SAMD5: variants seen among roughly 807,000 people sequenced by gnomAD.
The protein encoded by SAMD5 is sterile alpha motif domain-containing protein 5.
A neutral mutation model predicts 11.3 loss-of-function variants in SAMD5; 13 were observed. That is an observed-to-expected ratio of 1.15 (90% CI 0.75 to 1.83). The LOEUF (loss-of-function observed/expected upper bound fraction) is 1.83, where lower values mean the gene tolerates loss of function less well. Among genes scored for constraint, SAMD5 ranks in the 40% most tolerant of loss-of-function variants. The pLI is 0.00. For synonymous variants in SAMD5, 129 were observed against 111.3 expected (o/e 1.16, Z -1.00); for missense variants, 255 against 239.1 (o/e 1.07, Z -0.44).
At chr6:147,731,784 C>T (rs146539783) in intron 1 of SAMD5, among the ~76,000 whole-genome samples, 2 of 143,306 alleles carry the variant, frequency 1.4e-5, no homozygotes, top group African/African-American at 5.1e-5. Flanking sequence ...AAGCAACCAA[C>T]AGAATTTAGA....
intron 1 of SAMD5, among the ~76,000 whole-genome samples, chr6:147,714,573 A>G (rs1190541969): frequency 6.6e-6 from 1 of 152,234 alleles, no homozygotes; most frequent in African/African-American, 2.4e-5. Flanking sequence ...CTAAATGGTT[A>G]GGAAAAGATA....
intron 1 of SAMD5, among the ~76,000 whole-genome samples, chr6:147,598,016 G>A (rs1369109150): frequency 6.6e-6 from 1 of 152,070 alleles, no homozygotes; most frequent in Non-Finnish European, 1.5e-5. Context: ...GATCATGCAG[G>A]CCCTCCAGGC....
At chr6:147,530,203 G>C (rs1320416229) in intron 1 of SAMD5, among the ~76,000 whole-genome samples, 1 of 152,216 alleles carries the variant, frequency 6.6e-6, no homozygotes, top group Non-Finnish European at 1.5e-5. Flanking sequence ...TTTCTGTGCA[G>C]TAATAATTAA....
chr6:147,797,935 G>A, the SAMD5 span, among the ~76,000 whole-genome samples: 1 of 150,828 alleles, frequency 6.6e-6, no homozygotes, highest in Admixed American at 6.6e-5. Context: ...ATTTTTTATT[G>A]TGTCTATTTG....
At chr6:147,873,240 G>A in the SAMD5 span, among the ~76,000 whole-genome samples, 2 of 152,034 alleles carry the variant, frequency 1.3e-5, no homozygotes, top group African/African-American at 4.8e-5. Flanking sequence ...AGCTGGGCGT[G>A]GTGGTGCACG....
the SAMD5 span, among the ~76,000 whole-genome samples, chr6:147,918,121 T>A: frequency 6.6e-6 from 1 of 152,222 alleles, no homozygotes; most frequent in South Asian, 2.1e-4. Flanking sequence ...TTGATGGGGA[T>A]GGCATTGAAT....
At chr6:147,837,707 G>A in the SAMD5 span, among the ~76,000 whole-genome samples, 1 of 152,196 alleles carries the variant, frequency 6.6e-6, no homozygotes, top group African/African-American at 2.4e-5. Context: ...ATACCATGGA[G>A]TGTCAGTCTC....
At chr6:147,911,589 C>G in the SAMD5 span, among the ~76,000 whole-genome samples, 6 of 152,320 alleles carry the variant, frequency 3.9e-5, no homozygotes, top group East Asian at 1.2e-3. Context: ...CCAATAGTGT[C>G]TTTCTTAGAA....
chr6:147,800,756 A>T, the SAMD5 span, among the ~76,000 whole-genome samples: 2 of 151,506 alleles, frequency 1.3e-5, no homozygotes, highest in Admixed American at 6.6e-5. Flanking sequence ...TAATAATAAT[A>T]GTTTTCATGA....
At chr6:147,661,742 G>T (rs926997819) in intron 1 of SAMD5, among the ~76,000 whole-genome samples, 1 of 152,144 alleles carries the variant, frequency 6.6e-6, no homozygotes, top group Admixed American at 6.6e-5. Flanking sequence ...CGATTCTCCT[G>T]CCTCAGCCTC....
chr6:147,617,624 A>G (rs996159687), intron 1 of SAMD5, among the ~76,000 whole-genome samples: 1 of 152,246 alleles, frequency 6.6e-6, no homozygotes, highest in Non-Finnish European at 1.5e-5. Context: ...GATGCCGGAA[A>G]CAAATGCTGG....
At chr6:147,764,640 A>T in the SAMD5 span, among the ~76,000 whole-genome samples, 18 of 152,204 alleles carry the variant, frequency 1.2e-4, 1 homozygote, top group Admixed American at 6.5e-5. Flanking sequence ...TGCCAAAGAG[A>T]TGACCTAAAT....
intron 1 of SAMD5, among the ~76,000 whole-genome samples, chr6:147,646,006 CTGTCTATG>C (rs879280028): frequency 1.6e-5 from 2 of 125,566 alleles, no homozygotes; most frequent in East Asian, 2.1e-4. Context: ...ATCTGTCTGT[CTGTCTATG>C]TATCTATCTA....
chr6:147,819,662 G>C, the SAMD5 span, among the ~76,000 whole-genome samples: 1 of 152,186 alleles, frequency 6.6e-6, no homozygotes. Context: ...TCCAGTCCCA[G>C]CTTTCCCCAC....
the SAMD5 span, among the ~76,000 whole-genome samples, chr6:147,872,988 A>C: frequency 6.6e-6 from 1 of 152,176 alleles, no homozygotes; most frequent in Admixed American, 6.5e-5. Context: ...CAAGCACATA[A>C]TCAACACAAG....
At chr6:147,624,058 C>CG (rs1790012284) in intron 1 of SAMD5, among the ~76,000 whole-genome samples, 2 of 151,980 alleles carry the variant, frequency 1.3e-5, no homozygotes, top group African/African-American at 2.4e-5. Context: ...TTAGTAGAAA[C>CG]GGGGTTTTGC....
the SAMD5 span, among the ~76,000 whole-genome samples, chr6:147,769,759 G>A: frequency 6.6e-6 from 1 of 152,216 alleles, no homozygotes; most frequent in Non-Finnish European, 1.5e-5. Context: ...AAGGAGATTA[G>A]GGAGTTAGAA....
the SAMD5 span, among the ~76,000 whole-genome samples, chr6:147,880,693 G>C: frequency 6.6e-6 from 1 of 152,120 alleles, no homozygotes; most frequent in Non-Finnish European, 1.5e-5. Context: ...TAATGTCCCA[G>C]CTTCTTGTCC....
At position 147,637,737 on chromosome 6, in the gene SAMD5, G is replaced by A. The variant is rs1198135195; in HGVS notation, c.163-99580G>A. Among the ~76,000 whole-genome samples, 4 of 152,166 alleles carry A rather than the reference G, an allele frequency of 2.6e-5. No individual in the cohort carries two copies. The East Asian group carries it at 5.8e-4, about 22-fold the overall frequency. On this transcript the variant is annotated intron_variant, in intron 1 of 1. Coordinates refer to the SAMD5 transcript ENST00000566741. ...GGTATTCACCATGATGGGGACATGAGGACTTACAGGTTCATTCTCACTCTT... is the reference window on the plus strand; with the variant it reads ...GGTATTCACCATGATGGGGACATGAAGACTTACAGGTTCATTCTCACTCTT...
Sources: allele counts gnomAD v4.1 joint callset (sites outside exome capture counted in the v4.1 genomes callset), GRCh38; gene constraint gnomAD v4.1.1; transcripts MANE v1.5; gene names NCBI Gene and HGNC (gene_info 2026-07-23, HGNC 2026-07-21).